USHBP1: variants seen among roughly 807,000 people sequenced by gnomAD.
USHBP1 encodes USH1 protein network component harmonin binding protein 1, also known as harmonin-binding protein USHBP1.
USHBP1 carries 67 observed loss-of-function variants against 76.2 expected under a neutral mutation model. The ratio of observed to expected loss-of-function variants is 0.88; its 90% CI spans 0.72 to 1.08. The LOEUF is 1.08. Ranked by LOEUF, USHBP1 falls within the 50% of genes least tolerant of loss-of-function variation. The probability of loss-of-function intolerance (pLI) is 0.00; values close to 1 mark genes in which losing one functional copy is unlikely to be tolerated. For synonymous variants in USHBP1, 322 were observed against 362.2 expected (o/e 0.89, Z 1.26); for missense variants, 931 against 915.0 (o/e 1.02, Z -0.23).
At position 17,263,985 on chromosome 19, in the gene USHBP1, G is replaced by C. The variant is rs376950384; in HGVS notation, c.203+17C>G. 2 of 1,550,070 alleles carry C rather than the reference G, an allele frequency of 1.3e-6. No homozygotes were observed. Among genetic ancestry groups the C allele is most frequent in the Admixed American group, 1.9e-5 (1 of 52,102 alleles). On this transcript the variant is annotated intron_variant, in intron 3 of 12. Coordinates refer to ENST00000252597, the MANE Select transcript of USHBP1 (RefSeq NM_031941.4). ...CGTCTGGACTGGAGTGAAGGGCACAGACCAAGCGGGTCTTACCTGCTTCCT... is the reference window on the plus strand; with the variant it reads ...CGTCTGGACTGGAGTGAAGGGCACACACCAAGCGGGTCTTACCTGCTTCCT...
In USHBP1 at chr19:17,264,130, A is replaced by C; in HGVS notation, c.75T>G (p.Ala25=). ...HAPPGELDPV[A]ESSEEVEAAS... ...CTGCCTCGACCTCCTCTGAACTCTC[A>C]GCCACGGGATCCAGTTCACCCTGCA... Residue 25 remains alanine, a synonymous_variant, in exon 3 of 13, where the codon GCT becomes GCG. Coordinates refer to ENST00000252597, the MANE Select transcript of USHBP1 (RefSeq NM_031941.4). 1 of 1,613,914 alleles carries C rather than the reference A, an allele frequency of 6.2e-7. No homozygotes were observed. Among genetic ancestry groups the C allele is most frequent in the Non-Finnish European group, 8.5e-7 (1 of 1,179,852 alleles).
chr19:17,258,491 C>T, intron 7 of USHBP1, 106 bp from the exon 8 acceptor site: 2 of 1,354,454 alleles, frequency 1.5e-6, no homozygotes, highest in South Asian at 2.7e-5. Context: ...GGAGGATTAC[C>T]TGAGGTCAGG....
chr19:17,263,830 C>T (rs1041869479), intron 3 of USHBP1, 172 bp downstream of exon 3: 4 of 862,818 alleles, frequency 4.6e-6, no homozygotes, highest in African/African-American at 3.4e-5. Flanking sequence ...TGTGCCACTG[C>T]ACTGCACTAC....
At chr19:17,257,710 A>C (rs1264098972) in intron 8 of USHBP1, among the ~76,000 whole-genome samples, 1 of 150,784 alleles carries the variant, frequency 6.6e-6, no homozygotes, top group East Asian at 2.0e-4. Flanking sequence ...GCAGTGGTGC[A>C]ATCTCAGCTC....
intron 5 of USHBP1, 40 bp from the exon 6 acceptor site, chr19:17,259,772 C>A (rs1159712048): frequency 6.3e-7 from 1 of 1,584,550 alleles, no homozygotes; most frequent in Admixed American, 1.8e-5. Context: ...CAATTGTCAC[C>A]AAGAGCCTGG....
At chr19:17,262,409 A>G in intron 4 of USHBP1, 143 bp downstream of exon 4, 1 of 953,694 alleles carries the variant, frequency 1.0e-6, no homozygotes, top group Non-Finnish European at 1.5e-6. Context: ...CCACCTCCCA[A>G]AGTGCTGGGA....
chr19:17,261,317 T>TTTTC (rs555731943), intron 4 of USHBP1, among the ~76,000 whole-genome samples: 6,196 of 140,670 alleles, frequency 0.044, 186 homozygotes, highest in South Asian at 0.08. Flanking sequence ...TTTTCTTTCT[T>TTTTC]TTTCTTTCTT....
Position 17,258,232 on chromosome 19 carries a change from T to C in USHBP1, c.1200A>G (p.Ala400=). 1 of 1,614,020 alleles carries C rather than the reference T, an allele frequency of 6.2e-7. No homozygotes were observed. Among genetic ancestry groups the C allele is most frequent in the East Asian group, 2.2e-5 (1 of 44,888 alleles). The part of the protein sequence containing the change: ...AQEEAAMDAG[A]QQNPQPSPEG... ...GGTACCTTGGCTGTGGATTCTGCTG[T>C]GCTCCTGCATCCATGGCAGCCTCCT... The change falls in exon 8 of 13, where the codon GCA becomes GCG. Residue 400 remains alanine, a synonymous_variant. Coordinates refer to ENST00000252597, the MANE Select transcript of USHBP1 (RefSeq NM_031941.4).
rs780900718 is a variant in USHBP1, at chr19:17,259,722, GAGA to G, written c.776_778del (p.Phe259del). 34 of 1,610,960 alleles carry G rather than the reference GAGA, an allele frequency of 2.1e-5. No individual in the cohort carries two copies. The South Asian group carries it at 3.3e-4, about 16-fold the overall frequency. The stretch of plus-strand genomic sequence containing the variant: ...GCGCCGAAGCAGGGGGTGAGCCAGG[GAGA>G]AGGAGTCCTGCCAAGAAGAAGTGAT... On this transcript the variant is annotated inframe_deletion, in exon 6 of 13. Coordinates refer to ENST00000252597, the MANE Select transcript of USHBP1 (RefSeq NM_031941.4).
At chr19:17,259,805 C>T in intron 5 of USHBP1, 73 bp from the exon 6 acceptor site, 1 of 1,582,488 alleles carries the variant, frequency 6.3e-7, no homozygotes, top group Non-Finnish European at 8.6e-7. Flanking sequence ...TTTGCAACCC[C>T]AAAGCTGTTG....
Position 17,250,317 on chromosome 19 carries a change from C to G in USHBP1, c.2020G>C (p.Glu674Gln). 6.2e-7 allele frequency: 1 copy of G among 1,613,570 alleles called. No homozygotes were observed. The highest frequency in any genetic ancestry group is 8.5e-7 in the Non-Finnish European group (1 of 1,179,916). The change falls in exon 13 of 13, where the codon GAG becomes CAG. Residue 674 changes from glutamate (E) to glutamine (Q), a missense_variant. Transcript: ENST00000252597. ...GTGGCTTCGAGCACCGCCACCTCCT[C>G]GGCCTGCTGAGCCTCCATGAGTGCC... ...QMALMEAQQA[E>Q]EVAVLEATAR...
At position 17,255,306 on chromosome 19, in the gene USHBP1, A is replaced by C. The variant is rs1364956872; in HGVS notation, c.1692+79T>G. The C allele has an allele frequency of 1.8e-5, 26 of 1,468,700 alleles. 1 individual carries two copies. The highest frequency in any genetic ancestry group is 2.7e-5 in the South Asian group (2 of 74,218). The allele number at this position is 1,468,700 out of a possible 1,614,324, so 91.0% of individuals were successfully genotyped here. A position where few individuals can be genotyped will look rare whatever the true frequency, so the allele number is the denominator to read the frequency against. On this transcript the variant is annotated intron_variant, in intron 10 of 12. Transcript: ENST00000252597. ...AAACTCCGTCTCAAAAAAAACAAAA[A>C]AAAAAAGGCTGTGATTGACAAGGGC...
chr19:17,264,539 C>A, intron 1 of USHBP1, 132 bp downstream of exon 1: 1 of 546,506 alleles, frequency 1.8e-6, no homozygotes, highest in Non-Finnish European at 3.2e-6. Context: ...CTGATCTCCC[C>A]CTTCTTCTCT....
At position 17,250,382 on chromosome 19, in the gene USHBP1, C is replaced by T. The variant is rs201693783; in HGVS notation, c.1955G>A (p.Arg652Gln). Reference protein sequence around the residue: ...ALVLAFRGAHRKQEEQRRKLE... With the variant: ...ALVLAFRGAHQKQEEQRRKLE... ...CTTCCGGCGTTGCTCTTCCTGCTTCCGGTGGGCTCCTCGGAAGGCCAGGAC... is the reference window on the plus strand; with the variant it reads ...CTTCCGGCGTTGCTCTTCCTGCTTCTGGTGGGCTCCTCGGAAGGCCAGGAC... Residue 652 changes from arginine (R) to glutamine (Q), a missense_variant, in exon 13 of 13, where the codon CGG becomes CAG. Transcript: ENST00000252597. The T allele has an allele frequency of 8.7e-6, 14 of 1,613,564 alleles. No homozygotes were observed. Among genetic ancestry groups the T allele is most frequent in the Admixed American group, 5.0e-5 (3 of 59,976 alleles).
chr19:17,250,664 C>T (rs1568321420), intron 12 of USHBP1, among the ~76,000 whole-genome samples: 1 of 152,068 alleles, frequency 6.6e-6, no homozygotes, highest in Non-Finnish European at 1.5e-5. Context: ...GATTCTCCTG[C>T]CTTAGCCTCC....
intron 3 of USHBP1, chr19:17,263,767 G>A (rs772202645): frequency 5.1e-5 from 25 of 495,032 alleles, no homozygotes; most frequent in Admixed American, 7.7e-5. Flanking sequence ...AACTACTCAG[G>A]AAGCTGAGGC....
chr19:17,264,275 G>C lies in USHBP1; in HGVS notation c.25C>G (p.Arg9Gly), dbSNP rs770395312. 1.9e-6 allele frequency: 3 copies of C among 1,613,330 alleles called. No homozygotes were observed. The highest frequency in any genetic ancestry group is 1.3e-5 in the African/African-American group (1 of 75,044). The change falls in exon 2 of 13, where the codon CGA becomes GGA. Residue 9 changes from arginine to glycine, a missense_variant. Coordinates refer to ENST00000252597, the MANE Select transcript of USHBP1 (RefSeq NM_031941.4). The stretch of plus-strand genomic sequence containing the variant: ...GGAGCATGCCTCCCTCGCCGGCTTC[G>C]GGGCCGCGTGGCCCGGGCACTCATT... MSARATRP[R>G]SRRGRHAPPG...
chr19:17,263,825 C>A, intron 3 of USHBP1, 177 bp downstream of exon 3: 1 of 800,936 alleles, frequency 1.2e-6, no homozygotes, highest in Non-Finnish European at 1.8e-6. Flanking sequence ...GAGATTGTGC[C>A]ACTGCACTGC....
Position 17,262,600 on chromosome 19 carries a change from C to A in USHBP1, c.594G>T (p.Gln198His). Residue 198 changes from glutamine (Q) to histidine (H), a missense_variant, in exon 4 of 13, where the codon CAG becomes CAT. Physicochemically the swap from Gln to His is conservative, Grantham distance 24. Transcript: ENST00000252597. ...SSREDELVRTQASLEAIRAEK... is the reference protein window; with the variant it reads ...SSREDELVRTHASLEAIRAEK... The stretch of plus-strand genomic sequence containing the variant: ...CAGCTCGGATGGCCTCCAGGGAGGC[C>A]TGCGTGCGGACCAGCTCATCCTCTC... 6.2e-7 allele frequency: 1 copy of A among 1,613,428 alleles called. No homozygotes were observed.
Sources: gnomAD v4.1 joint callset for allele counts (sites outside exome capture counted in the v4.1 genomes callset) on GRCh38, gnomAD v4.1.1 for gene constraint, MANE v1.5 for transcripts, NCBI Gene and HGNC (gene_info 2026-07-23, HGNC 2026-07-21) for gene names.